The following TM9SF3 variants were observed in gnomAD, a reference collection of about 807,000 sequenced individuals.
The protein encoded by TM9SF3 is SM-11044-binding protein.
In TM9SF3, 14 loss-of-function variants were observed where a neutral mutation model predicts 78.6. That is an observed-to-expected ratio of 0.18 (90% confidence interval 0.12 to 0.28). The LOEUF is 0.28. TM9SF3 is among the 10% of genes least tolerant of loss of function. TM9SF3 has a pLI of 1.00. For missense variants in TM9SF3, 496 were observed against 721.9 expected, an observed-to-expected ratio of 0.69 and a Z score of 3.59; for synonymous variants, 231 against 241.7, an observed-to-expected ratio of 0.96 and a Z score of 0.41.
chr10:96,585,169 G>A (rs1031111879), intron 1 of TM9SF3, among the ~76,000 whole-genome samples: 6 of 152,032 alleles, frequency 3.9e-5, no homozygotes, highest in African/African-American at 1.5e-4. Flanking sequence ...GTACACTTTT[G>A]AGCTTATATG....
At position 96,586,841 on chromosome 10, in the gene TM9SF3, G is replaced by A. The variant is rs1848638658; in HGVS notation, c.-6C>T. ...GCGCCAGGCAGCGGCCTCATCCTCC[G>A]CGCCCCTCCGGCCCGGAGCCGGCTC... On this transcript the variant is annotated 5_prime_UTR_variant, in exon 1 of 15. Transcript: ENST00000371142. 1.6e-6 allele frequency: 2 copies of A among 1,214,398 alleles called. No individual in the cohort carries two copies. The highest frequency in any genetic ancestry group is 1.6e-5 in the African/African-American group (1 of 62,978). The allele number at this position is 1,214,398 out of a possible 1,614,324, so 75.2% of individuals were successfully genotyped here.
chr10:96,586,752 C>T lies in TM9SF3; in HGVS notation c.84G>A (p.Ala28=). The T allele has an allele frequency of 1.6e-6, 2 of 1,273,786 alleles. No homozygotes were observed. Among genetic ancestry groups the T allele is most frequent in the Middle Eastern group, 2.9e-4 (1 of 3,424 alleles). The allele number at this position is 1,273,786 out of a possible 1,614,324, so 78.9% of individuals were successfully genotyped here. Residue 28 remains alanine (A), a synonymous_variant, in exon 1 of 15, where the codon GCG becomes GCA. Coordinates refer to ENST00000371142, the MANE Select transcript of TM9SF3 (RefSeq NM_020123.4). ...LLLLLLPRTR[A]DEHEHTYQDK... ...GCCTCACCGTGTGTTCGTGCTCGTC[C>T]GCCCGGGTCCGGGGCAGCAGCAGCA...
chr10:96,561,172 T>C (rs1848303595), intron 4 of TM9SF3, among the ~76,000 whole-genome samples: 1 of 152,188 alleles, frequency 6.6e-6, no homozygotes, highest in South Asian at 2.1e-4. Context: ...TTCTATTACT[T>C]GCACATTCGC....
chr10:96,539,387 A>G (rs1298847277), intron 9 of TM9SF3, among the ~76,000 whole-genome samples: 1 of 147,988 alleles, frequency 6.8e-6, no homozygotes, highest in African/African-American at 2.5e-5. Flanking sequence ...TGCAACATCA[A>G]TGAATCTCAA....
intron 5 of TM9SF3, among the ~76,000 whole-genome samples, chr10:96,558,911 G>T (rs972973931): frequency 6.6e-6 from 1 of 152,158 alleles, no homozygotes; most frequent in African/African-American, 2.4e-5. Context: ...CTTATGCCTT[G>T]TCTTTTTATC....
At chr10:96,553,564 ACCT>A (rs966545057) in intron 5 of TM9SF3, among the ~76,000 whole-genome samples, 2 of 151,746 alleles carry the variant, frequency 1.3e-5, no homozygotes, top group Non-Finnish European at 2.9e-5. Context: ...CAATCTGAAA[ACCT>A]CCTTAAAATA....
At chr10:96,545,490 A>G (rs142988716) in intron 8 of TM9SF3, among the ~76,000 whole-genome samples, 1 of 152,238 alleles carries the variant, frequency 6.6e-6, no homozygotes, top group Non-Finnish European at 1.5e-5. Context: ...GGAACAATAC[A>G]AAAAGGTGGT....
chr10:96,571,212 C>A (rs1848433717), intron 2 of TM9SF3, among the ~76,000 whole-genome samples: 1 of 152,100 alleles, frequency 6.6e-6, no homozygotes, highest in Non-Finnish European at 1.5e-5. Context: ...ACCTCAAAAG[C>A]TAGGGGGACA....
chr10:96,524,526 C>T (rs187667608), intron 14 of TM9SF3, among the ~76,000 whole-genome samples: 1 of 151,906 alleles, frequency 6.6e-6, no homozygotes, highest in Admixed American at 6.6e-5. Context: ...ACAGTTTCAA[C>T]CTAGAGAATC....
At chr10:96,567,716 C>T (rs900229741) in intron 2 of TM9SF3, among the ~76,000 whole-genome samples, 1 of 152,210 alleles carries the variant, frequency 6.6e-6, no homozygotes, top group Non-Finnish European at 1.5e-5. Flanking sequence ...CTCAAAAACA[C>T]CATTAGGTCT....
intron 1 of TM9SF3, among the ~76,000 whole-genome samples, chr10:96,578,786 T>C (rs760959232): frequency 6.6e-6 from 1 of 152,198 alleles, no homozygotes; most frequent in Non-Finnish European, 1.5e-5. Context: ...GAATTAAAAC[T>C]TGTTCATGGC....
At chr10:96,546,935 A>G (rs924547682) in intron 8 of TM9SF3, among the ~76,000 whole-genome samples, 4 of 152,174 alleles carry the variant, frequency 2.6e-5, no homozygotes, top group Non-Finnish European at 5.9e-5. Flanking sequence ...CTAAAATGCA[A>G]ATCTACCAAT....
chr10:96,560,353 T>C (rs961536875), intron 4 of TM9SF3: 62 of 739,132 alleles, frequency 8.4e-5, no homozygotes, highest in Non-Finnish European at 1.4e-4. Context: ...AAAGGATGAA[T>C]TGCATATTGT....
intron 9 of TM9SF3, among the ~76,000 whole-genome samples, chr10:96,543,276 T>C (rs1049645120): frequency 1.3e-5 from 2 of 152,088 alleles, no homozygotes; most frequent in African/African-American, 2.4e-5. Flanking sequence ...TGATTACAGG[T>C]AAGATATGCA....
Position 96,576,656 on chromosome 10 carries a change from AC to A in TM9SF3, c.275del (p.Ser92MetfsTer11). 6.3e-7 allele frequency: 1 copy of A among 1,599,250 alleles called. No homozygotes were observed. The highest frequency in any genetic ancestry group is 8.5e-7 in the Non-Finnish European group (1 of 1,175,544). ...TACCTTTAAATTTAATATCCAGACC[AC>A]TAAATTCCAATTCAACCCCTTGAAG... ...EALQGVELEF[S>X]GLDIKFKDDV... On this transcript the variant is annotated frameshift_variant, in exon 2 of 15. Transcript: ENST00000371142. LOFTEE classifies it high-confidence loss of function.
intron 1 of TM9SF3, among the ~76,000 whole-genome samples, chr10:96,586,085 G>C (rs1485845553): frequency 6.6e-6 from 1 of 152,176 alleles, no homozygotes; most frequent in Admixed American, 6.5e-5. Context: ...CTCACTTAGG[G>C]GCTGGAAGGT....
At chr10:96,582,534 A>G (rs1308171044) in intron 1 of TM9SF3, among the ~76,000 whole-genome samples, 1 of 152,238 alleles carries the variant, frequency 6.6e-6, no homozygotes, top group Non-Finnish European at 1.5e-5. Context: ...AAGCATAAAC[A>G]TACCTTTCAC....
intron 14 of TM9SF3, among the ~76,000 whole-genome samples, chr10:96,524,615 C>T (rs555068739): frequency 1.3e-5 from 2 of 151,664 alleles, no homozygotes; most frequent in South Asian, 4.2e-4. Flanking sequence ...CTGAATATGC[C>T]CTCTAGAAAA....
In TM9SF3 at chr10:96,520,847, T is replaced by C. The variant is rs879307900; in HGVS notation, c.*1416A>G. The C allele has an allele frequency of 1.3e-5, 5 of 396,664 alleles. No individual in the cohort carries two copies. The highest frequency in any genetic ancestry group is 2.2e-5 in the Non-Finnish European group (5 of 224,562). 24.6% of individuals were successfully genotyped at this position (396,664 alleles called of 1,614,324 possible). On this transcript the variant is annotated 3_prime_UTR_variant, in exon 15 of 15. Transcript: ENST00000371142. ...TGGATAATCTAGATGTAAGCAAGTC[T>C]GGAGATTTTAAAATACGGGTCCCCT...
Sources: allele counts gnomAD v4.1 joint callset (sites outside exome capture counted in the v4.1 genomes callset), GRCh38; gene constraint gnomAD v4.1.1; transcripts MANE v1.5; gene names NCBI Gene and HGNC (gene_info 2026-07-23, HGNC 2026-07-21).